ZNF492: variants seen among roughly 807,000 people sequenced by gnomAD.
ZNF492 encodes zinc finger protein 115 (Y20).
ZNF492 carries 3 observed loss-of-function variants against 6.4 expected under a neutral mutation model. The observed-to-expected ratio is 0.47, with a 90% CI of 0.21 to 1.22. ZNF492 has a LOEUF of 1.22. Ranked by LOEUF, ZNF492 falls within the 50% of genes most tolerant of loss-of-function variation. The pLI, the probability that ZNF492 is intolerant of heterozygous loss-of-function variation, is 0.22. For missense variants in ZNF492, 356 were observed against 612.5 expected (o/e 0.58, Z 4.42); for synonymous variants, 112 against 205.3 (o/e 0.55, Z 3.89).
chr19:22,649,416 C>A (rs1172332819), intron 1 of ZNF492, among the ~76,000 whole-genome samples: 1 of 152,100 alleles, frequency 6.6e-6, no homozygotes, highest in East Asian at 1.9e-4. Flanking sequence ...TGGGGTTGAT[C>A]TTCTTGTGGA....
At chr19:22,662,014 A>G (rs1972063768) in intron 3 of ZNF492, among the ~76,000 whole-genome samples, 2 of 152,162 alleles carry the variant, frequency 1.3e-5, no homozygotes, top group Admixed American at 1.3e-4. Context: ...GTCCTAGGGT[A>G]CATGTGCCCA....
chr19:22,641,697 G>A (rs1971826661), intron 1 of ZNF492, among the ~76,000 whole-genome samples: 1 of 152,178 alleles, frequency 6.6e-6, no homozygotes, highest in Non-Finnish European at 1.5e-5. Flanking sequence ...GCCCACGGGT[G>A]TTGTAGTCTC....
chr19:22,661,688 T>C (rs1381908665), intron 3 of ZNF492, among the ~76,000 whole-genome samples: 2 of 152,082 alleles, frequency 1.3e-5, no homozygotes, highest in African/African-American at 4.8e-5. Flanking sequence ...CCTCCACTTC[T>C]CTGGTTCAAG....
intron 1 of ZNF492, among the ~76,000 whole-genome samples, chr19:22,642,847 G>A (rs1460749074): frequency 6.6e-6 from 1 of 152,082 alleles, no homozygotes; most frequent in Non-Finnish European, 1.5e-5. Flanking sequence ...TTGAAAGTTG[G>A]ACACAAAGGT....
At chr19:22,651,431 C>T (rs1379529345) in intron 1 of ZNF492, among the ~76,000 whole-genome samples, 1 of 152,064 alleles carries the variant, frequency 6.6e-6, no homozygotes, top group East Asian at 1.9e-4. Context: ...CACTCTGCCT[C>T]CTGGAATGCC....
At position 22,647,617 on chromosome 19, in the gene ZNF492, G is replaced by T. The variant is rs569326101; in HGVS notation, c.-93-5690G>T. ...CTCCTGGATTCATTGATTTTTTTTT[G>T]AGGGTTTTTCATGTCTATCTCCTTC... On this transcript the variant is annotated intron_variant, in intron 1 of 3. Transcript: ENST00000456783. Among the ~76,000 whole-genome samples, 623 of 137,778 alleles carry T rather than the reference G, an allele frequency of 4.5e-3. 4 individuals are homozygous for T. The highest frequency in any genetic ancestry group is 7.8e-3 in the Non-Finnish European group (501 of 64,368). 90.4% of individuals were successfully genotyped at this position (137,778 alleles called of 152,430 possible).
intron 3 of ZNF492, among the ~76,000 whole-genome samples, chr19:22,659,585 CACACACAGAG>C (rs1972034015): frequency 6.7e-6 from 1 of 150,338 alleles, no homozygotes; most frequent in South Asian, 2.1e-4. Context: ...CACACACACA[CACACACAGAG>C]AGAGAGAGAG....
At position 22,655,813 on chromosome 19, in the gene ZNF492, GTTGT is replaced by G. The variant is rs1430757653; in HGVS notation, c.130+1801_130+1804del. 3.5e-3 allele frequency among the ~76,000 whole-genome samples: 227 copies of G among 64,880 alleles called. 14 individuals carry two copies. The highest frequency in any genetic ancestry group is 0.017 in the African/African-American group (216 of 12,880). 42.6% of individuals were successfully genotyped at this position (64,880 alleles called of 152,430 possible). A position where few individuals can be genotyped will look rare whatever the true frequency, so the allele number is the denominator to read the frequency against. The stretch of plus-strand genomic sequence containing the variant: ...GCAAACACCTCTTCAAGTTTTTCTT[GTTGT>G]TTTTTTTTTTTTTTTTTTTTTTTTT... On this transcript the variant is annotated intron_variant, in intron 3 of 3. Transcript: ENST00000456783.
intron 1 of ZNF492, among the ~76,000 whole-genome samples, chr19:22,646,178 G>A (rs1282350477): frequency 6.6e-6 from 1 of 152,148 alleles, no homozygotes; most frequent in African/African-American, 2.4e-5. Context: ...CCATTTGATT[G>A]TGTGCTCTCT....
At chr19:22,642,914 C>T (rs1338474758) in intron 1 of ZNF492, among the ~76,000 whole-genome samples, 1 of 152,088 alleles carries the variant, frequency 6.6e-6, no homozygotes, top group Admixed American at 6.6e-5. Context: ...AGTTAAGTTC[C>T]TTTGACAGAA....
At chr19:22,637,285 T>G (rs908191181) in intron 1 of ZNF492, among the ~76,000 whole-genome samples, 1 of 151,836 alleles carries the variant, frequency 6.6e-6, no homozygotes, top group African/African-American at 2.4e-5. Context: ...CCTAAACCTT[T>G]TATTTTATTT....
chr19:22,649,528 G>A (rs1053274636), intron 1 of ZNF492, among the ~76,000 whole-genome samples: 1 of 151,962 alleles, frequency 6.6e-6, no homozygotes, highest in Admixed American at 6.6e-5. Context: ...GTGTTTTCCA[G>A]CTTGTTTCCA....
chr19:22,650,201 G>C (rs1395630726), intron 1 of ZNF492, among the ~76,000 whole-genome samples: 1 of 152,022 alleles, frequency 6.6e-6, no homozygotes, highest in Non-Finnish European at 1.5e-5. Flanking sequence ...GGTTTGCTGG[G>C]GGTTCACTTC....
At chr19:22,661,364 G>A (rs777951223) in intron 3 of ZNF492, among the ~76,000 whole-genome samples, 2 of 151,504 alleles carry the variant, frequency 1.3e-5, no homozygotes, top group African/African-American at 2.4e-5. Flanking sequence ...AAGTTTATAC[G>A]GTATTTTTGA....
chr19:22,654,732 G>C (rs528423506), intron 3 of ZNF492, among the ~76,000 whole-genome samples: 3 of 150,810 alleles, frequency 2.0e-5, no homozygotes, highest in Admixed American at 2.0e-4. Flanking sequence ...CTCCTGAGTA[G>C]CTGGGAATAC....
Position 22,666,768 on chromosome 19 carries a change from C to T in ZNF492, c.*1503C>T, listed in dbSNP as rs772695408. 1 of 152,066 alleles carries T rather than the reference C, an allele frequency of 6.6e-6. No homozygotes were observed. Among genetic ancestry groups the T allele is most frequent in the African/African-American group, 2.4e-5 (1 of 41,406 alleles). The allele number at this position is 152,066 out of a possible 1,614,324, so 9.4% of individuals were successfully genotyped here. ...AAAAATAAATTAGTATATTATTTTA[C>T]TAATTTTACTTTTATGAAAATGCAG... is the stretch of plus-strand genomic sequence containing the variant. On this transcript the variant is annotated 3_prime_UTR_variant, in exon 4 of 4. Coordinates refer to ENST00000456783, the MANE Select transcript of ZNF492 (RefSeq NM_020855.3).
chr19:22,654,883 G>C (rs1971978621), intron 3 of ZNF492, among the ~76,000 whole-genome samples: 1 of 150,516 alleles, frequency 6.6e-6, no homozygotes, highest in Non-Finnish European at 1.5e-5. Flanking sequence ...TTACAGGCGT[G>C]ACCCACCGTG....
At chr19:22,639,703 C>T (rs1459022565) in intron 1 of ZNF492, among the ~76,000 whole-genome samples, 1 of 137,778 alleles carries the variant, frequency 7.3e-6, no homozygotes, top group Non-Finnish European at 1.5e-5. Flanking sequence ...AAGAGCGAAA[C>T]TTGGTCTCAA....
At chr19:22,645,016 A>T (rs1247680333) in intron 1 of ZNF492, among the ~76,000 whole-genome samples, 1 of 151,484 alleles carries the variant, frequency 6.6e-6, no homozygotes, top group Non-Finnish European at 1.5e-5. Flanking sequence ...TGGCTGCATA[A>T]ATGCCTTCTG....
Sources: allele counts gnomAD v4.1 joint callset (sites outside exome capture counted in the v4.1 genomes callset), GRCh38; gene constraint gnomAD v4.1.1; transcripts MANE v1.5; gene names NCBI Gene and HGNC (gene_info 2026-07-23, HGNC 2026-07-21).